Variants in SUCLG1 observed in about 807,000 individuals in gnomAD.
SUCLG1 encodes succinate-CoA ligase GDP/ADP-forming subunit alpha.
In SUCLG1, 26 loss-of-function variants were observed where a neutral mutation model predicts 37.3. The observed-to-expected ratio is 0.70, with a 90% CI of 0.51 to 0.97. The LOEUF is 0.97. Ranked by LOEUF, SUCLG1 falls within the 50% of genes least tolerant of loss-of-function variation. The pLI is 0.00. For synonymous variants in SUCLG1, 163 were observed against 155.6 expected (o/e 1.05, Z -0.36); for missense variants, 433 against 432.9 (o/e 1.00, Z 0.00).
intron 8 of SUCLG1, among the ~76,000 whole-genome samples, chr2:84,424,671 G>T (rs1456306552): frequency 2.0e-5 from 3 of 151,918 alleles, no homozygotes; most frequent in Non-Finnish European, 4.4e-5. Flanking sequence ...ATTTTTTGTT[G>T]TTTTTTGCTT....
intron 2 of SUCLG1, among the ~76,000 whole-genome samples, chr2:84,446,535 G>C (rs963622562): frequency 6.6e-6 from 1 of 152,148 alleles, no homozygotes; most frequent in Non-Finnish European, 1.5e-5. Context: ...TAGGAAACTT[G>C]GCCCCAAGCA....
chr2:84,435,450 T>G (rs542569320), intron 5 of SUCLG1, among the ~76,000 whole-genome samples: 1 of 152,324 alleles, frequency 6.6e-6, no homozygotes, highest in South Asian at 2.1e-4. Flanking sequence ...GGTTCACTAT[T>G]AGCCCTAATG....
intron 1 of SUCLG1, among the ~76,000 whole-genome samples, chr2:84,453,110 T>A (rs933765377): frequency 1.3e-5 from 2 of 152,160 alleles, no homozygotes; most frequent in Non-Finnish European, 2.9e-5. Flanking sequence ...GACATTTTTT[T>A]AAATAAATAA....
At chr2:84,443,047 A>G (rs924621322) in intron 3 of SUCLG1, among the ~76,000 whole-genome samples, 1 of 152,252 alleles carries the variant, frequency 6.6e-6, no homozygotes, top group African/African-American at 2.4e-5. Flanking sequence ...AAAGGTAAGG[A>G]AAGCGTAAAA....
Position 84,459,245 on chromosome 2 carries a change from C to T in SUCLG1, c.25G>A (p.Ala9Thr), listed in dbSNP as rs1387019183. MTATLAAA[A>T]DIATMVSGSS... ...CCGGAGACCATGGTAGCGATGTCAG[C>T]GGCAGCGGCAAGGGTTGCGGTCATA... is the stretch of plus-strand genomic sequence containing the variant. Residue 9 changes from alanine to threonine, a missense_variant, in exon 1 of 9, where the codon GCT becomes ACT. Ala to Thr is a moderately conservative substitution (Grantham distance 58). Coordinates refer to ENST00000393868, the MANE Select transcript of SUCLG1 (RefSeq NM_003849.4). 6.4e-7 allele frequency: 1 copy of T among 1,550,678 alleles called. No homozygotes were observed. Among genetic ancestry groups the T allele is most frequent in the Admixed American group, 2.0e-5 (1 of 50,992 alleles).
At chr2:84,452,667 T>C (rs992707993) in intron 1 of SUCLG1, among the ~76,000 whole-genome samples, 1 of 152,102 alleles carries the variant, frequency 6.6e-6, no homozygotes, top group Non-Finnish European at 1.5e-5. Flanking sequence ...AGTGAAATTA[T>C]CTAAGCTTAA....
intron 7 of SUCLG1, among the ~76,000 whole-genome samples, chr2:84,430,929 T>G (rs188422020): frequency 6.6e-6 from 1 of 152,306 alleles, no homozygotes; most frequent in East Asian, 1.9e-4. Context: ...TCAAGCTGAA[T>G]GAAATGATGA....
At chr2:84,431,013 C>G (rs1672605043) in intron 7 of SUCLG1, among the ~76,000 whole-genome samples, 1 of 152,130 alleles carries the variant, frequency 6.6e-6, no homozygotes, top group Non-Finnish European at 1.5e-5. Flanking sequence ...AGGACATAGA[C>G]AGTAAAGCTT....
At chr2:84,458,767 C>T (rs1255339616) in intron 1 of SUCLG1, among the ~76,000 whole-genome samples, 1 of 152,182 alleles carries the variant, frequency 6.6e-6, no homozygotes, top group Non-Finnish European at 1.5e-5. Context: ...AGACACTCTT[C>T]CTCTACCTCT....
At chr2:84,444,754 C>T (rs574676276) in intron 2 of SUCLG1, among the ~76,000 whole-genome samples, 11 of 152,254 alleles carry the variant, frequency 7.2e-5, no homozygotes, top group Admixed American at 2.6e-4. Context: ...GGCCGCCCCC[C>T]GAAGTGGCCA....
intron 6 of SUCLG1, among the ~76,000 whole-genome samples, chr2:84,432,094 A>C (rs1303355331): frequency 6.6e-6 from 1 of 152,224 alleles, no homozygotes; most frequent in Non-Finnish European, 1.5e-5. Context: ...TATTTGATGA[A>C]GTATGCTGCA....
rs1558612437 is a variant in SUCLG1 at position 84,443,311 on chromosome 2, GC to G, written c.290del (p.Gly97AlafsTer8). On this transcript the variant is annotated frameshift_variant, in exon 3 of 9. Transcript: ENST00000393868. LOFTEE classifies it high-confidence loss of function. ...CCTTCACAGTATTAAAGACAGGTAA[GC>G]CCAGATGTGTCTGGCCTCCTTTCCC... ...TPGKGGQTHL[G>X]LPVFNTVKEA... The G allele has an allele frequency of 6.2e-7, 1 of 1,614,108 alleles. No individual in the cohort carries two copies. The highest frequency in any genetic ancestry group is 1.7e-5 in the Admixed American group (1 of 60,024).
Position 84,423,761 on chromosome 2 carries a change from C to T in SUCLG1, c.1026G>A (p.Lys342=). Residue 342 remains lysine (K), a synonymous_variant, in exon 9 of 9, where the codon AAG becomes AAA. Coordinates refer to ENST00000393868, the MANE Select transcript of SUCLG1 (RefSeq NM_003849.4). Reference sequence around the variant, plus strand: ...TTTTTTTCTTTCATAGCATCTTCCTCTTTTCAAATTCCTTCAGAAACAGAA... The same window carrying T: ...TTTTTTTCTTTCATAGCATCTTCCTTTTTTCAAATTCCTTCAGAAACAGAA... ...LGTTIYKEFE[K]RKML is the part of the protein sequence containing the mutation. 1 of 1,606,190 alleles carries T rather than the reference C, an allele frequency of 6.2e-7. No homozygotes were observed. The highest frequency in any genetic ancestry group is 8.5e-7 in the Non-Finnish European group (1 of 1,175,408).
At position 84,441,261 on chromosome 2, in the gene SUCLG1, G is replaced by A. The variant is rs759846791; in HGVS notation, c.517C>T (p.Pro173Ser). The change falls in exon 4 of 9, where the codon CCT becomes TCT. Residue 173 changes from proline (P) to serine (S), a missense_variant. Transcript: ENST00000393868. ...EKTRLIGPNC[P>S]GVINPGECKI... ...TTTGCACTCACATTGATGACTCCAG[G>A]GCAGTTGGGCCCAATTAGCCTTGTC... 1.2e-6 allele frequency: 2 copies of A among 1,613,938 alleles called. No individual in the cohort carries two copies. The highest frequency in any genetic ancestry group is 2.7e-5 in the African/African-American group (2 of 74,866).
At chr2:84,447,710 C>T (rs760801873) in intron 2 of SUCLG1, among the ~76,000 whole-genome samples, 7 of 152,186 alleles carry the variant, frequency 4.6e-5, no homozygotes, top group Admixed American at 6.5e-5. Context: ...AAGTGGCATA[C>T]ATAAGATTAT....
chr2:84,454,257 T>C (rs1276722315), intron 1 of SUCLG1, among the ~76,000 whole-genome samples: 1 of 152,236 alleles, frequency 6.6e-6, no homozygotes, highest in Non-Finnish European at 1.5e-5. Context: ...TACTAATCCA[T>C]GTCTGCATAT....
intron 5 of SUCLG1, among the ~76,000 whole-genome samples, chr2:84,436,778 G>T (rs994805662): frequency 6.6e-6 from 1 of 152,148 alleles, no homozygotes; most frequent in African/African-American, 2.4e-5. Context: ...AATGGTGCTT[G>T]AGATTCTATA....
At chr2:84,442,150 C>T (rs1441290084) in intron 3 of SUCLG1, among the ~76,000 whole-genome samples, 2 of 119,058 alleles carry the variant, frequency 1.7e-5, no homozygotes, top group African/African-American at 6.6e-5. Flanking sequence ...GATTGCTTAG[C>T]AAGAAGAACT....
intron 5 of SUCLG1, among the ~76,000 whole-genome samples, chr2:84,440,734 T>G (rs1007909140): frequency 2.0e-5 from 3 of 152,200 alleles, no homozygotes; most frequent in Non-Finnish European, 4.4e-5. Context: ...AATAACTAAG[T>G]TATAACAGTT....
Sources: allele counts gnomAD v4.1 joint callset (sites outside exome capture counted in the v4.1 genomes callset), GRCh38; gene constraint gnomAD v4.1.1; transcripts MANE v1.5; gene names NCBI Gene and HGNC (gene_info 2026-07-23, HGNC 2026-07-21).